APAF1: variants seen among roughly 807,000 people sequenced by gnomAD.
APAF1 encodes apoptotic protease-activating factor 1.
In APAF1, 91 loss-of-function variants were observed where a neutral mutation model predicts 152.4. The ratio of observed to expected loss-of-function variants is 0.60; its 90% CI spans 0.50 to 0.71. The LOEUF is 0.71. APAF1 is among the 30% of genes least tolerant of loss of function. The pLI is 0.00. For missense variants in APAF1, 1,283 were observed against 1,472.0 expected (o/e 0.87, Z 2.10); for synonymous variants, 484 against 494.1 (o/e 0.98, Z 0.27).
chr12:98,653,908 G>C (rs2097653086), intron 4 of APAF1, among the ~76,000 whole-genome samples: 1 of 151,118 alleles, frequency 6.6e-6, no homozygotes, highest in African/African-American at 2.4e-5. Context: ...TTTCTTCATA[G>C]GCTGTGTTCC....
chr12:98,658,940 A>G (rs948208463), intron 4 of APAF1, among the ~76,000 whole-genome samples: 12 of 152,192 alleles, frequency 7.9e-5, no homozygotes, highest in Admixed American at 2.0e-4. Context: ...TAAGCCACAG[A>G]TTTACTTCAA....
At chr12:98,701,341 T>C (rs2153335168) in intron 17 of APAF1, among the ~76,000 whole-genome samples, 1 of 152,320 alleles carries the variant, frequency 6.6e-6, no homozygotes, top group South Asian at 2.1e-4. Context: ...AAGTATCTAT[T>C]TGAGCCTTGT....
chr12:98,726,382 T>G (rs2097750636), intron 25 of APAF1: 1 of 152,442 alleles, frequency 6.6e-6, no homozygotes, highest in African/African-American at 2.4e-5. Flanking sequence ...GATGACTACT[T>G]TGGTAACCAG....
intron 4 of APAF1, among the ~76,000 whole-genome samples, chr12:98,650,417 C>T (rs1233171295): frequency 3.3e-5 from 5 of 151,684 alleles, no homozygotes; most frequent in South Asian, 2.1e-4. Flanking sequence ...ACCTAGGAGG[C>T]GGAGGTTGCA....
chr12:98,686,426 G>C (rs947597221), intron 15 of APAF1, among the ~76,000 whole-genome samples: 1 of 152,224 alleles, frequency 6.6e-6, no homozygotes, highest in East Asian at 1.9e-4. Context: ...GTGGCTTTTT[G>C]TAACTGAGTA....
intron 4 of APAF1, among the ~76,000 whole-genome samples, chr12:98,655,615 T>G (rs2097656298): frequency 6.6e-6 from 1 of 152,158 alleles, no homozygotes; most frequent in South Asian, 2.1e-4. Flanking sequence ...ATTCTTAATC[T>G]TTTTATTTTT....
intron 4 of APAF1, among the ~76,000 whole-genome samples, chr12:98,657,178 T>C (rs1204612669): frequency 1.3e-5 from 2 of 152,192 alleles, no homozygotes; most frequent in Non-Finnish European, 2.9e-5. Context: ...TTTACCCACC[T>C]CCACCCATTT....
chr12:98,723,415 A>G, intron 23 of APAF1, 103 bp downstream of exon 23: 3 of 1,317,954 alleles, frequency 2.3e-6, no homozygotes, highest in Non-Finnish European at 3.2e-6. Context: ...CTTACTTAAA[A>G]ATTTTTAATT....
chr12:98,712,677 C>G (rs1048265600), intron 21 of APAF1: 2 of 447,028 alleles, frequency 4.5e-6, no homozygotes, highest in Non-Finnish European at 8.1e-6. Flanking sequence ...TCACCATGCC[C>G]GACTAATTTT....
At chr12:98,715,640 T>A (rs2097733940) in intron 22 of APAF1, 88 bp downstream of exon 22, 2 of 1,461,868 alleles carry the variant, frequency 1.4e-6, no homozygotes, top group Admixed American at 1.7e-5. Flanking sequence ...GTGTATATTT[T>A]AAACACATTA....
intron 16 of APAF1, among the ~76,000 whole-genome samples, chr12:98,688,096 C>T (rs1006103693): frequency 5.9e-5 from 9 of 152,044 alleles, no homozygotes; most frequent in African/African-American, 2.2e-4. Context: ...TTTGAGAAGC[C>T]ACAAGGTAGG....
At chr12:98,701,599 G>A (rs529198185) in intron 17 of APAF1, among the ~76,000 whole-genome samples, 1 of 152,334 alleles carries the variant, frequency 6.6e-6, no homozygotes, top group Admixed American at 6.5e-5. Context: ...AATTACCAAT[G>A]ATGTTGAACA....
chr12:98,699,354 A>G (rs1163387382), intron 16 of APAF1, 54 bp from the exon 17 acceptor site: 1 of 1,549,106 alleles, frequency 6.5e-7, no homozygotes, highest in South Asian at 1.2e-5. Flanking sequence ...AAATTCTAGA[A>G]GTGTGATTAT....
chr12:98,658,430 G>A (rs1035225299), intron 4 of APAF1, among the ~76,000 whole-genome samples: 2 of 152,060 alleles, frequency 1.3e-5, no homozygotes, highest in African/African-American at 4.8e-5. Context: ...ACTTAACATA[G>A]CAATTTCACA....
chr12:98,720,453 C>G (rs1484661681), intron 22 of APAF1, among the ~76,000 whole-genome samples: 1 of 151,994 alleles, frequency 6.6e-6, no homozygotes, highest in Non-Finnish European at 1.5e-5. Flanking sequence ...CTTTGTATCC[C>G]CAAAGCCTGG....
At chr12:98,720,277 G>T (rs2097740639) in intron 22 of APAF1, among the ~76,000 whole-genome samples, 1 of 152,172 alleles carries the variant, frequency 6.6e-6, no homozygotes, top group African/African-American at 2.4e-5. Context: ...GAGTTAAGTA[G>T]TTGTGTTTCT....
intron 18 of APAF1, among the ~76,000 whole-genome samples, chr12:98,705,550 A>C (rs2097720483): frequency 6.6e-6 from 1 of 152,258 alleles, no homozygotes; most frequent in South Asian, 2.1e-4. Flanking sequence ...TGTCCATGCT[A>C]GTTCTGAAAT....
chr12:98,713,126 C>T (rs951303416), intron 21 of APAF1, among the ~76,000 whole-genome samples: 4 of 152,146 alleles, frequency 2.6e-5, no homozygotes, highest in Admixed American at 1.3e-4. Context: ...GCCTATTGTA[C>T]ACTTTTATAC....
chr12:98,655,801 T>TG (rs959694338), intron 4 of APAF1, among the ~76,000 whole-genome samples: 9 of 151,136 alleles, frequency 6.0e-5, no homozygotes, highest in Non-Finnish European at 1.3e-4. Flanking sequence ...TTTTTTTTTT[T>TG]GAGACAGAGT....
Sources: allele counts gnomAD v4.1 joint callset (sites outside exome capture counted in the v4.1 genomes callset), GRCh38; gene constraint gnomAD v4.1.1; transcripts MANE v1.5; gene names NCBI Gene and HGNC (gene_info 2026-07-23, HGNC 2026-07-21).